TCF12: variants seen among roughly 807,000 people sequenced by gnomAD.
The protein encoded by TCF12 is DNA-binding protein HTF4.
TCF12 carries 45 observed loss-of-function variants against 86.0 expected under a neutral mutation model. The ratio of observed to expected loss-of-function variants is 0.52; its 90% CI spans 0.41 to 0.67. TCF12 has a LOEUF of 0.67. Ranked by LOEUF, TCF12 falls within the 30% of genes least tolerant of loss-of-function variation. The pLI is 0.00. For missense variants in TCF12, 881 were observed against 859.9 expected (o/e 1.02, Z -0.31); for synonymous variants, 330 against 299.6 (o/e 1.10, Z -1.05).
intron 5 of TCF12, among the ~76,000 whole-genome samples, chr15:57,125,378 T>C (rs2051567601): frequency 6.6e-6 from 1 of 152,256 alleles, no homozygotes; most frequent in South Asian, 2.1e-4. Flanking sequence ...ATATGACTAC[T>C]GCTGTGATTG....
At chr15:57,128,965 T>C (rs940041402) in intron 5 of TCF12, among the ~76,000 whole-genome samples, 31 of 152,388 alleles carry the variant, frequency 2.0e-4, no homozygotes, top group Non-Finnish European at 4.0e-4. Flanking sequence ...TTCTACTCTT[T>C]GGCTATTATG....
At chr15:57,247,566 G>T in intron 13 of TCF12, 1 of 896,282 alleles carries the variant, frequency 1.1e-6, no homozygotes, top group Non-Finnish European at 1.8e-6. Context: ...TTTCCACTCT[G>T]CCTGTCTTCC....
intron 3 of TCF12, among the ~76,000 whole-genome samples, chr15:56,928,337 C>T (rs534067105): frequency 1.3e-5 from 2 of 152,058 alleles, no homozygotes; most frequent in East Asian, 3.9e-4. Context: ...CTCGGTAATA[C>T]TAGTGATTAT....
At chr15:56,943,905 G>T (rs920843147) in intron 3 of TCF12, among the ~76,000 whole-genome samples, 3 of 152,086 alleles carry the variant, frequency 2.0e-5, no homozygotes, top group African/African-American at 7.2e-5. Flanking sequence ...CATTCCAGCG[G>T]CATGAAGCTG....
intron 3 of TCF12, among the ~76,000 whole-genome samples, chr15:56,941,324 G>T (rs190770447): frequency 9.5e-4 from 145 of 152,038 alleles, no homozygotes; most frequent in Admixed American, 3.4e-3. Flanking sequence ...CCAAGATCGT[G>T]CCACTGCACT....
At chr15:56,975,115 C>T (rs190490393) in intron 3 of TCF12, among the ~76,000 whole-genome samples, 1 of 152,150 alleles carries the variant, frequency 6.6e-6, no homozygotes, top group Admixed American at 6.5e-5. Flanking sequence ...ATATAGCAAA[C>T]ATTTTTAGCT....
At chr15:57,270,860 T>A (rs1748369931) in intron 18 of TCF12, among the ~76,000 whole-genome samples, 1 of 152,212 alleles carries the variant, frequency 6.6e-6, no homozygotes. Context: ...GGAGGTCCAC[T>A]CCAGACCCTC....
chr15:57,269,141 A>G (rs190681302), intron 18 of TCF12, among the ~76,000 whole-genome samples: 3 of 152,140 alleles, frequency 2.0e-5, no homozygotes, highest in African/African-American at 4.8e-5. Context: ...GTCTCCCATT[A>G]TTATTGTATG....
intron 8 of TCF12, chr15:57,219,713 TAG>T: frequency 1.4e-6 from 1 of 721,864 alleles, no homozygotes; most frequent in Non-Finnish European, 2.0e-6. Flanking sequence ...TATTAGATTG[TAG>T]ATTTCTTTTT....
At chr15:57,128,656 A>G (rs1355500613) in intron 5 of TCF12, among the ~76,000 whole-genome samples, 3 of 152,352 alleles carry the variant, frequency 2.0e-5, no homozygotes, top group Admixed American at 1.3e-4. Flanking sequence ...TGGTTACCCC[A>G]TGAGGAAACC....
At chr15:56,929,960 A>C (rs144852618) in intron 3 of TCF12, among the ~76,000 whole-genome samples, 1 of 152,130 alleles carries the variant, frequency 6.6e-6, no homozygotes, top group East Asian at 1.9e-4. Context: ...GCCTCCCTCA[A>C]AAGTTGTCAG....
chr15:57,056,578 A>G (rs2962991), intron 3 of TCF12, among the ~76,000 whole-genome samples: 86,629 of 151,772 alleles, frequency 0.57, 24,934 homozygotes, highest in Admixed American at 0.61. Context: ...TCCAATGTTA[A>G]CCTCCCACGT....
chr15:57,270,608 A>G lies in TCF12; in HGVS notation c.1746-2422A>G, dbSNP rs565017754. Among the ~76,000 whole-genome samples the G allele has an allele frequency of 2.6e-3, 396 of 152,182 alleles. 3 individuals are homozygous for G. The highest frequency in any genetic ancestry group is 8.9e-3 in the African/African-American group (368 of 41,528). On this transcript the variant is annotated intron_variant, in intron 18 of 20. Coordinates refer to ENST00000333725, the MANE Select transcript of TCF12 (RefSeq NM_207037.2). ...TCCATCCAGTTTTGTTCCCTTGTTG[A>G]TGAGGAGTTGTGTTCCTTTGGAGGA...
At chr15:57,052,083 T>TA (rs2067668646) in intron 3 of TCF12, among the ~76,000 whole-genome samples, 1 of 152,244 alleles carries the variant, frequency 6.6e-6, no homozygotes, top group Non-Finnish European at 1.5e-5. Context: ...GTTTAGACGT[T>TA]AATTATGAGA....
intron 3 of TCF12, among the ~76,000 whole-genome samples, chr15:56,987,917 A>G (rs1331665528): frequency 6.6e-6 from 1 of 152,216 alleles, no homozygotes; most frequent in East Asian, 1.9e-4. Flanking sequence ...AGTAAAGATG[A>G]AACTTTGAAA....
intron 8 of TCF12, among the ~76,000 whole-genome samples, chr15:57,204,863 C>T (rs1307787804): frequency 6.6e-6 from 1 of 151,466 alleles, no homozygotes; most frequent in African/African-American, 2.4e-5. Context: ...GCCATCTGAA[C>T]CAGTAAGAAA....
chr15:57,103,810 G>A (rs879436396), intron 5 of TCF12, among the ~76,000 whole-genome samples: 1 of 152,202 alleles, frequency 6.6e-6, no homozygotes, highest in South Asian at 2.1e-4. Flanking sequence ...TTCGAGACCA[G>A]CCTGGCTAAC....
chr15:57,010,334 G>A (rs1159253543), intron 3 of TCF12, among the ~76,000 whole-genome samples: 1 of 152,132 alleles, frequency 6.6e-6, no homozygotes, highest in South Asian at 2.1e-4. Flanking sequence ...GATTGCTTGA[G>A]GCCAGGAGTT....
At chr15:56,940,429 T>G (rs2140342257) in intron 3 of TCF12, among the ~76,000 whole-genome samples, 1 of 152,232 alleles carries the variant, frequency 6.6e-6, no homozygotes, top group Non-Finnish European at 1.5e-5. Context: ...AGACATGATG[T>G]CTTTAGCAAT....
Sources: allele counts gnomAD v4.1 joint callset (sites outside exome capture counted in the v4.1 genomes callset), GRCh38; gene constraint gnomAD v4.1.1; transcripts MANE v1.5; gene names NCBI Gene and HGNC (gene_info 2026-07-23, HGNC 2026-07-21).